PTPRZ1: variants seen among roughly 807,000 people sequenced by gnomAD.
PTPRZ1 encodes the protein receptor-type tyrosine-protein phosphatase zeta.
PTPRZ1 carries 82 observed loss-of-function variants against 214.1 expected under a neutral mutation model. That is an observed-to-expected ratio of 0.38 (90% CI 0.32 to 0.46). PTPRZ1 has a LOEUF of 0.46. PTPRZ1 is among the 20% of genes least tolerant of loss of function. The probability of loss-of-function intolerance (pLI) is 1.00; values close to 1 mark genes in which losing one functional copy is unlikely to be tolerated. For synonymous variants in PTPRZ1, 945 were observed against 987.9 expected, an observed-to-expected ratio of 0.96 and a Z score of 0.81; for missense variants, 2,603 against 2,748.7, an observed-to-expected ratio of 0.95 and a Z score of 1.19.
chr7:121,972,738 T>A, intron 4 of PTPRZ1, 46 bp downstream of exon 4: 1 of 1,369,798 alleles, frequency 7.3e-7, no homozygotes, highest in Non-Finnish European at 9.8e-7. Flanking sequence ...TCTAAATAAT[T>A]GATGTTTTTA....
intron 14 of PTPRZ1, 38 bp from the exon 15 acceptor site, chr7:122,031,436 A>T: frequency 6.8e-7 from 1 of 1,460,790 alleles, no homozygotes; most frequent in Non-Finnish European, 9.6e-7. Flanking sequence ...TATTTCTGTT[A>T]AATTATGCTC....
At chr7:121,909,047 T>C (rs1795197098) in intron 1 of PTPRZ1, 1 of 471,632 alleles carries the variant, frequency 2.1e-6, no homozygotes, top group Non-Finnish European at 4.2e-6. Flanking sequence ...TTGGAATCAA[T>C]TTGCTTGCTC....
chr7:122,012,051 A>G lies in PTPRZ1; in HGVS notation c.3005A>G (p.Asp1002Gly), dbSNP rs1471242008. ...GDGEWSGASS[D>G]SEFLLPDTDG... The stretch of plus-strand genomic sequence containing the variant: ...GGGGAATGGTCTGGAGCCTCTTCTG[A>G]TAGTGAATTTCTTTTACCTGACACA... Residue 1002 changes from aspartate to glycine, a missense_variant, in exon 12 of 30, where the codon GAT (aspartate) becomes GGT (glycine). By Grantham distance (94) the Asp-to-Gly change is moderately conservative. Coordinates refer to ENST00000393386, the MANE Select transcript of PTPRZ1 (RefSeq NM_002851.3). 1.9e-6 allele frequency: 3 copies of G among 1,614,194 alleles called. No individual in the cohort carries two copies. Among genetic ancestry groups the G allele is most frequent in the Non-Finnish European group, 2.5e-6 (3 of 1,180,032 alleles).
rs1330241589 is a variant in PTPRZ1, at chr7:122,012,156, A to G, written c.3110A>G (p.Asp1037Gly). The G allele has an allele frequency of 6.2e-7, 1 of 1,613,890 alleles. No homozygotes were observed. The highest frequency in any genetic ancestry group is 1.1e-5 in the South Asian group (1 of 91,046). ...TATACAACATCTGTGTTTGGTGATG[A>G]TAATAAGGCGCTTTCTAAAAGTGAA... ...FTYTTSVFGD[D>G]NKALSKSEII... The change falls in exon 12 of 30, where the codon GAT (aspartate) becomes GGT (glycine). Residue 1037 changes from aspartate (D) to glycine (G), a missense_variant. Asp to Gly is a moderately conservative substitution (Grantham distance 94, BLOSUM62 -1). Coordinates refer to ENST00000393386, the MANE Select transcript of PTPRZ1 (RefSeq NM_002851.3).
chr7:121,905,865 A>G (rs1469138850), intron 1 of PTPRZ1, among the ~76,000 whole-genome samples: 1 of 152,160 alleles, frequency 6.6e-6, no homozygotes, highest in Admixed American at 6.6e-5. Context: ...AGTTTTGCTC[A>G]ATCACCCTGT....
At chr7:121,929,766 C>CCA (rs1435715041) in intron 2 of PTPRZ1, among the ~76,000 whole-genome samples, 1 of 151,324 alleles carries the variant, frequency 6.6e-6, no homozygotes, top group Non-Finnish European at 1.5e-5. Context: ...CGAGATCACG[C>CCA]CACTGCACTC....
intron 2 of PTPRZ1, among the ~76,000 whole-genome samples, chr7:121,946,717 A>G (rs1050509571): frequency 2.6e-5 from 4 of 152,242 alleles, no homozygotes; most frequent in African/African-American, 9.6e-5. Flanking sequence ...AAAGCCTGAC[A>G]GATACTTTAA....
chr7:121,940,510 C>T (rs1021458450), intron 2 of PTPRZ1, among the ~76,000 whole-genome samples: 3 of 152,104 alleles, frequency 2.0e-5, no homozygotes, highest in Non-Finnish European at 4.4e-5. Context: ...CCTACTCTTT[C>T]CTTCTAATCT....
chr7:121,964,313 G>A (rs1215817710), intron 2 of PTPRZ1, among the ~76,000 whole-genome samples: 2 of 152,090 alleles, frequency 1.3e-5, no homozygotes, highest in Non-Finnish European at 2.9e-5. Context: ...GGGAGGCCTC[G>A]GGAAACTTAC....
intron 13 of PTPRZ1, among the ~76,000 whole-genome samples, chr7:122,023,928 G>A (rs944239174): frequency 6.7e-6 from 1 of 149,476 alleles, no homozygotes; most frequent in African/African-American, 2.5e-5. Flanking sequence ...ATACTGTGAT[G>A]AAAAGGCGTA....
chr7:121,895,523 A>G (rs992080169), intron 1 of PTPRZ1, among the ~76,000 whole-genome samples: 4 of 152,210 alleles, frequency 2.6e-5, no homozygotes, highest in African/African-American at 9.6e-5. Context: ...GGAAATGTGA[A>G]CTACAGGAGA....
At position 122,013,377 on chromosome 7, in the gene PTPRZ1, C is replaced by T; in HGVS notation, c.4331C>T (p.Ser1444Leu). ...SDGLSIHKCM[S>L]CSSYRESQEK... ...GGCTTATCCATTCATAAGTGTATGT[C>T]ATGCTCATCCTATAGAGAATCACAG... is the stretch of plus-strand genomic sequence containing the variant. The change falls in exon 12 of 30, where the codon TCA becomes TTA. Residue 1444 changes from serine (S) to leucine (L), a missense_variant. This residue lies in a region of PTPRZ1 where 1,913 missense variants were observed against 1,914.3 expected (regional missense o/e 1.00). Transcript: ENST00000393386. The T allele has an allele frequency of 6.2e-7, 1 of 1,614,112 alleles. No individual in the cohort carries two copies. The highest frequency in any genetic ancestry group is 1.1e-5 in the South Asian group (1 of 91,080).
intron 2 of PTPRZ1, among the ~76,000 whole-genome samples, chr7:121,943,634 G>A (rs1449949255): frequency 1.3e-5 from 2 of 152,082 alleles, no homozygotes; most frequent in African/African-American, 2.4e-5. Context: ...CACTGCGCCC[G>A]GCCAATAATG....
intron 2 of PTPRZ1, among the ~76,000 whole-genome samples, chr7:121,932,781 A>G (rs1795963652): frequency 6.6e-6 from 1 of 152,220 alleles, no homozygotes; most frequent in Non-Finnish European, 1.5e-5. Flanking sequence ...ATATGAAGTA[A>G]CAATGTAAAT....
chr7:121,874,093 C>T (rs1793977334), intron 1 of PTPRZ1, among the ~76,000 whole-genome samples: 1 of 150,384 alleles, frequency 6.6e-6, no homozygotes, highest in Non-Finnish European at 1.5e-5. Flanking sequence ...GCACAAGCAC[C>T]AACCTGACTT....
intron 1 of PTPRZ1, among the ~76,000 whole-genome samples, chr7:121,897,813 T>C (rs1415117400): frequency 1.3e-5 from 2 of 152,178 alleles, no homozygotes; most frequent in African/African-American, 2.4e-5. Context: ...CACTAAGTGA[T>C]TGTGGTGGCC....
At chr7:121,874,992 G>A (rs1351839718) in intron 1 of PTPRZ1, among the ~76,000 whole-genome samples, 1 of 151,604 alleles carries the variant, frequency 6.6e-6, no homozygotes, top group Non-Finnish European at 1.5e-5. Flanking sequence ...AGAGAGTATT[G>A]CTTTGTATGT....
intron 15 of PTPRZ1, among the ~76,000 whole-genome samples, chr7:122,033,235 G>A (rs899769166): frequency 6.6e-6 from 1 of 151,910 alleles, no homozygotes; most frequent in Non-Finnish European, 1.5e-5. Context: ...CCTTTTAAGT[G>A]GTTCTTACAT....
intron 1 of PTPRZ1, among the ~76,000 whole-genome samples, chr7:121,890,447 T>C (rs1169667937): frequency 1.3e-5 from 2 of 152,150 alleles, no homozygotes; most frequent in Non-Finnish European, 2.9e-5. Context: ...CTATCCACAC[T>C]TGCATCATGT....
Sources: gnomAD v4.1 joint callset for allele counts (sites outside exome capture counted in the v4.1 genomes callset) on GRCh38, gnomAD v4.1.1 for gene constraint, gnomAD v4.1.1 regional missense constraint, MANE v1.5 for transcripts, NCBI Gene and HGNC (gene_info 2026-07-23, HGNC 2026-07-21) for gene names.